LOC131768270: variants seen among roughly 807,000 people sequenced by gnomAD.
At chr5:140,566,953 C>G in the LOC131768270 span, 8 of 732,950 alleles carry the variant, frequency 1.1e-5, no homozygotes, top group African/African-American at 6.9e-5. Flanking sequence ...CCCTTCCTAG[C>G]TCCATGGGAC....
chr5:140,566,517 A>G, the LOC131768270 span: 4 of 411,532 alleles, frequency 9.7e-6, no homozygotes, highest in Non-Finnish European at 1.7e-5. Flanking sequence ...GCCCCTGGAC[A>G]GTCAGGAAGG....
chr5:140,567,111 T>A, the LOC131768270 span: 1 of 1,613,128 alleles, frequency 6.2e-7, no homozygotes, highest in Non-Finnish European at 8.5e-7. Context: ...ATAACTTGAT[T>A]TTCCCCAAAC....
the LOC131768270 span, chr5:140,567,562 C>T: frequency 6.2e-7 from 1 of 1,614,228 alleles, no homozygotes. Flanking sequence ...TGCTCTACTG[C>T]CTCTGCCTCC....
chr5:140,566,178 A>G, the LOC131768270 span, among the ~76,000 whole-genome samples: 2 of 152,224 alleles, frequency 1.3e-5, 1 homozygote, highest in Non-Finnish European at 2.9e-5. Flanking sequence ...AGAACATTCC[A>G]GGCAGAACAG....
At chr5:140,567,803 C>T in the LOC131768270 span, 8 of 1,614,036 alleles carry the variant, frequency 5.0e-6, no homozygotes, top group Admixed American at 5.0e-5. Flanking sequence ...GCTCATGAAG[C>T]GACAGCGGCT....
At chr5:140,567,081 C>G in the LOC131768270 span, 2 of 1,596,270 alleles carry the variant, frequency 1.3e-6, no homozygotes, top group Non-Finnish European at 1.7e-6. Flanking sequence ...CACGGCTTCT[C>G]CTTCCTGGGA....
the LOC131768270 span, chr5:140,566,833 C>T: frequency 3.3e-6 from 2 of 605,398 alleles, no homozygotes. Flanking sequence ...CTGGATTCCC[C>T]AGCTGTCATC....
chr5:140,567,815 C>A, the LOC131768270 span: 1 of 1,613,894 alleles, frequency 6.2e-7, no homozygotes, highest in African/African-American at 1.3e-5. Context: ...ACAGCGGCTG[C>A]CCCTGGCACT....
At chr5:140,567,655 A>G in the LOC131768270 span, 7 of 1,614,070 alleles carry the variant, frequency 4.3e-6, no homozygotes, top group South Asian at 3.3e-5. Context: ...GGGGCCTTCA[A>G]GTTCCCGGGA....
At chr5:140,567,421 C>T in the LOC131768270 span, 2 of 1,614,150 alleles carry the variant, frequency 1.2e-6, no homozygotes, top group Non-Finnish European at 1.7e-6. Flanking sequence ...CACCCTGGCG[C>T]CAGGCTGCTC....
chr5:140,568,143 A>G, the LOC131768270 span: 2 of 1,613,808 alleles, frequency 1.2e-6, no homozygotes, highest in East Asian at 4.5e-5. Context: ...GGCAGCCGCT[A>G]GTCCCTGACA....
chr5:140,566,998 C>T, the LOC131768270 span: 3 of 999,724 alleles, frequency 3.0e-6, no homozygotes, highest in Admixed American at 5.9e-5. Context: ...GACCACCAGC[C>T]CCTTACTCTT....
chr5:140,567,630 C>A, the LOC131768270 span: 3 of 1,614,184 alleles, frequency 1.9e-6, no homozygotes, highest in Admixed American at 1.7e-5. Flanking sequence ...GCTGCGGGAG[C>A]CTGCTATGCA....
At chr5:140,568,473 C>T in the LOC131768270 span, 2 of 373,434 alleles carry the variant, frequency 5.4e-6, no homozygotes, top group Non-Finnish European at 1.0e-5. Context: ...CTGCTTTGTC[C>T]TGCATGAACA....
the LOC131768270 span, chr5:140,567,324 C>A: frequency 1.9e-6 from 3 of 1,614,202 alleles, no homozygotes; most frequent in Non-Finnish European, 2.5e-6. Context: ...CGGCCCTCCT[C>A]AGCCGTGCTG....
the LOC131768270 span, chr5:140,566,683 C>A: frequency 1.9e-6 from 1 of 523,646 alleles, no homozygotes. Flanking sequence ...GGCATCTATG[C>A]GGCTCAGGCA....
At chr5:140,565,006 G>A in the LOC131768270 span, 1 of 399,040 alleles carries the variant, frequency 2.5e-6, no homozygotes, top group Non-Finnish European at 4.4e-6. Flanking sequence ...CCTCAACAGT[G>A]TGGAGTGGTG....
chr5:140,564,835 G>C, the LOC131768270 span: 3 of 403,258 alleles, frequency 7.4e-6, no homozygotes, highest in African/African-American at 6.2e-5. The surrounding 1 kb of genome is among the most constrained non-coding windows in gnomAD (Gnocchi z 5.0). Context: ...AACAAGTTCG[G>C]CGGGGAAGAT....
chr5:140,565,055 C>T, the LOC131768270 span: 1 of 397,324 alleles, frequency 2.5e-6, no homozygotes, highest in East Asian at 3.6e-5. Context: ...AGCCGTGGAT[C>T]CCCCAGATGT....
Sources: gnomAD v4.1 joint callset for allele counts (sites outside exome capture counted in the v4.1 genomes callset) on GRCh38, gnomAD v4.1.1 for gene constraint, Gnocchi (gnomAD v3.1) non-coding constraint, MANE v1.5 for transcripts.